TGFBR2: variants seen among roughly 807,000 people sequenced by gnomAD.
TGFBR2 encodes the protein transforming growth factor beta receptor 2.
In TGFBR2, 18 loss-of-function variants were observed where a neutral mutation model predicts 49.0. The ratio of observed to expected loss-of-function variants is 0.37; its 90% confidence interval spans 0.25 to 0.54. The LOEUF (loss-of-function observed/expected upper bound fraction) is 0.54, where lower values mean the gene tolerates loss of function less well. Among genes scored for constraint, TGFBR2 ranks in the 20% least tolerant of loss-of-function variants. The pLI is 0.85. For synonymous variants in TGFBR2, 282 were observed against 275.9 expected, an observed-to-expected ratio of 1.02 and a Z score of -0.22; for missense variants, 525 against 722.6, an observed-to-expected ratio of 0.73 and a Z score of 3.13.
intron 3 of TGFBR2, among the ~76,000 whole-genome samples, chr3:30,668,220 T>G (rs919127848): frequency 2.0e-5 from 3 of 152,140 alleles, no homozygotes; most frequent in Non-Finnish European, 2.9e-5. Context: ...TACCATAAAT[T>G]GCCCCATTCT....
At chr3:30,655,884 A>G (rs1267464352) in intron 3 of TGFBR2, among the ~76,000 whole-genome samples, 1 of 152,148 alleles carries the variant, frequency 6.6e-6, no homozygotes, top group Non-Finnish European at 1.5e-5. Flanking sequence ...AACGGTATAA[A>G]CCGTTGCTAC....
At chr3:30,614,951 G>A (rs1370324859) in intron 1 of TGFBR2, among the ~76,000 whole-genome samples, 4 of 152,150 alleles carry the variant, frequency 2.6e-5, no homozygotes, top group Non-Finnish European at 5.9e-5. Flanking sequence ...TTTTTCTAGT[G>A]TTTTAGCATT....
At chr3:30,682,437 A>G (rs1023913179) in intron 5 of TGFBR2, among the ~76,000 whole-genome samples, 2 of 152,130 alleles carry the variant, frequency 1.3e-5, no homozygotes, top group African/African-American at 4.8e-5. Context: ...AATTTTTTTT[A>G]AAAAGGTGGT....
intron 6 of TGFBR2, among the ~76,000 whole-genome samples, chr3:30,689,783 G>A (rs186100137): frequency 3.9e-5 from 6 of 152,124 alleles, no homozygotes; most frequent in East Asian, 1.9e-4. Context: ...TATAGTTCTC[G>A]TAATGATGCC....
chr3:30,617,134 C>T (rs1393341666), intron 1 of TGFBR2, among the ~76,000 whole-genome samples: 1 of 150,720 alleles, frequency 6.6e-6, no homozygotes, highest in East Asian at 1.9e-4. Flanking sequence ...TGTTGCCTTT[C>T]AAATATTTCT....
At chr3:30,669,801 GA>G (rs17026133) in intron 3 of TGFBR2, among the ~76,000 whole-genome samples, 30,946 of 152,090 alleles carry the variant, frequency 0.2, 3,350 homozygotes, top group Admixed American at 0.24. Flanking sequence ...CTCTTTGTTA[GA>G]AAATGATTTG....
chr3:30,628,634 A>G (rs1698381818), intron 1 of TGFBR2, among the ~76,000 whole-genome samples: 8 of 136,662 alleles, frequency 5.9e-5, no homozygotes. Flanking sequence ...GCTCTGCATT[A>G]GGTTTCAGTC....
chr3:30,692,094 T>C lies in TGFBR2; in HGVS notation c.*495T>C, dbSNP rs1037553607. The C allele has an allele frequency of 3.1e-5, 7 of 224,328 alleles. No individual in the cohort carries two copies. Among genetic ancestry groups the C allele is most frequent in the African/African-American group, 1.6e-4 (7 of 44,734 alleles). The allele number at this position is 224,328 out of a possible 1,614,324, so 13.9% of individuals were successfully genotyped here. On this transcript the variant is annotated 3_prime_UTR_variant, in exon 7 of 7. Coordinates refer to ENST00000295754, the MANE Select transcript of TGFBR2 (RefSeq NM_003242.6). ...ATTTGACAATCACACATGCAGTGGT[T>C]CTCTGACTGTAAAACAGTGAACTTT...
At position 30,664,557 on chromosome 3, in the gene TGFBR2, A is replaced by G. The variant is rs145453616; in HGVS notation, c.455-7081A>G. On this transcript the variant is annotated intron_variant, in intron 3 of 6. Transcript: ENST00000295754. Reference sequence around the variant, plus strand: ...ATGTTAGTATGCCATAAAAAAAAATACAAACTGGCAGAAAACCTCAAGGGG... The same window carrying G: ...ATGTTAGTATGCCATAAAAAAAAATGCAAACTGGCAGAAAACCTCAAGGGG... Among the ~76,000 whole-genome samples, 534 of 152,332 alleles carry G rather than the reference A, an allele frequency of 3.5e-3. 5 individuals are homozygous for G. The highest frequency in any genetic ancestry group is 0.012 in the African/African-American group (517 of 41,584).
upstream of TGFBR2, chr3:30,606,487 G>A (rs1057139879): frequency 9.4e-5 from 23 of 245,684 alleles, no homozygotes; most frequent in Admixed American, 1.7e-4. Flanking sequence ...GAGAGAGCTA[G>A]GGGCTGGACG....
At chr3:30,623,328 C>A in intron 1 of TGFBR2, 1 of 1,584,016 alleles carries the variant, frequency 6.3e-7, no homozygotes, top group Non-Finnish European at 8.7e-7. Flanking sequence ...GTCATGCTCC[C>A]TCACTGCTTA....
intron 1 of TGFBR2, among the ~76,000 whole-genome samples, chr3:30,628,528 G>GTTTTTTTTTTTTTTTT (rs569832149): frequency 1.2e-5 from 1 of 80,200 alleles, no homozygotes; most frequent in Non-Finnish European, 2.2e-5. Flanking sequence ...AAGCCTGTGG[G>GTTTTTTTTTTTTTTTT]TTTTTTTTTT....
At position 30,693,676 on chromosome 3, in the gene TGFBR2, T is replaced by C. The variant is rs947696985; in HGVS notation, c.*2077T>C. 2.1e-5 allele frequency: 5 copies of C among 233,576 alleles called. No individual in the cohort carries two copies. The highest frequency in any genetic ancestry group is 4.2e-5 in the Non-Finnish European group (5 of 117,966). 14.5% of individuals were successfully genotyped at this position (233,576 alleles called of 1,614,324 possible). ...ATTCCACTTGCACCGTAGGGCATGC[T>C]GATACCATCCCAATAGCTGTTGCCC... On this transcript the variant is annotated 3_prime_UTR_variant, in exon 7 of 7. Coordinates refer to ENST00000295754, the MANE Select transcript of TGFBR2 (RefSeq NM_003242.6).
chr3:30,671,039 T>C (rs1055289086), intron 3 of TGFBR2, among the ~76,000 whole-genome samples: 9 of 152,242 alleles, frequency 5.9e-5, no homozygotes, highest in Non-Finnish European at 1.2e-4. Flanking sequence ...TCTGTGTTTT[T>C]ACCAGATGTC....
chr3:30,691,628 A>G lies in TGFBR2; in HGVS notation c.*29A>G, dbSNP rs1235230055. 3 of 1,613,522 alleles carry G rather than the reference A, an allele frequency of 1.9e-6. No homozygotes were observed. Among genetic ancestry groups the G allele is most frequent in the Non-Finnish European group, 2.5e-6 (3 of 1,179,676 alleles). On this transcript the variant is annotated 3_prime_UTR_variant, in exon 7 of 7. Coordinates refer to ENST00000295754, the MANE Select transcript of TGFBR2 (RefSeq NM_003242.6). ...TTCTGGGGCAGGCTGGGCCATGTCC[A>G]AAGAGGCTGCCCCTCTCACCAAAGA...
At chr3:30,627,323 G>C (rs1459756861) in intron 1 of TGFBR2, among the ~76,000 whole-genome samples, 2 of 152,100 alleles carry the variant, frequency 1.3e-5, no homozygotes, top group African/African-American at 4.8e-5. Context: ...TTCAGAAAGA[G>C]ATGCACCATC....
chr3:30,644,789 A>G lies in TGFBR2; in HGVS notation c.137A>G (p.Lys46Arg). 6.2e-7 allele frequency: 1 copy of G among 1,614,178 alleles called. No homozygotes were observed. The highest frequency in any genetic ancestry group is 8.5e-7 in the Non-Finnish European group (1 of 1,180,002). Residue 46 changes from lysine to arginine, a missense_variant, in exon 2 of 7, where the codon AAG (lysine) becomes AGG (arginine). Transcript: ENST00000295754. Reference sequence around the variant, plus strand: ...GTCACTGACAACAACGGTGCAGTCAAGTTTCCACAACTGTGTAAATTTTGT... The same window carrying G: ...GTCACTGACAACAACGGTGCAGTCAGGTTTCCACAACTGTGTAAATTTTGT... ...MIVTDNNGAV[K>R]FPQLCKFCDV...
At chr3:30,662,282 A>G (rs942520413) in intron 3 of TGFBR2, among the ~76,000 whole-genome samples, 6 of 152,248 alleles carry the variant, frequency 3.9e-5, no homozygotes, top group African/African-American at 1.4e-4. Flanking sequence ...TCCTTCTACC[A>G]TAACATTTTC....
chr3:30,616,504 T>A (rs546601428), intron 1 of TGFBR2, among the ~76,000 whole-genome samples: 1 of 152,222 alleles, frequency 6.6e-6, no homozygotes, highest in Non-Finnish European at 1.5e-5. Flanking sequence ...ACCAGGAATC[T>A]AGGTGTCTGG....
Sources: allele counts gnomAD v4.1 joint callset (sites outside exome capture counted in the v4.1 genomes callset), GRCh38; gene constraint gnomAD v4.1.1; transcripts MANE v1.5; gene names NCBI Gene and HGNC (gene_info 2026-07-23, HGNC 2026-07-21).